NEBL: variants seen among roughly 807,000 people sequenced by gnomAD.
The protein encoded by NEBL is nebulette.
NEBL carries 122 observed loss-of-function variants against 140.2 expected under a neutral mutation model. The ratio of observed to expected loss-of-function variants is 0.87; its 90% CI spans 0.75 to 1.01. The LOEUF is 1.01. Among genes scored for constraint, NEBL ranks in the 50% least tolerant of loss-of-function variants. The pLI is 0.00. For missense variants in NEBL, 1,365 were observed against 1,231.3 expected, an observed-to-expected ratio of 1.11 and a Z score of -1.62; for synonymous variants, 436 against 398.9, an observed-to-expected ratio of 1.09 and a Z score of -1.11.
chr10:21,288,822 A>ATATATATATATATATATC (rs1843100957), intron 1 of NEBL, among the ~76,000 whole-genome samples: 1 of 70,562 alleles, frequency 1.4e-5, no homozygotes, highest in African/African-American at 6.4e-5. Context: ...GTGTGTGTGT[A>ATATATATATATATATATC]TATATATATA....
chr10:20,908,021 G>A (rs752718490), intron 4 of NEBL, among the ~76,000 whole-genome samples: 1 of 152,172 alleles, frequency 6.6e-6, no homozygotes, highest in Non-Finnish European at 1.5e-5. Context: ...AGGCAGCCAT[G>A]AAGTCTTCGA....
chr10:20,798,333 A>G (rs896141665), intron 26 of NEBL, among the ~76,000 whole-genome samples: 6 of 152,182 alleles, frequency 3.9e-5, no homozygotes, highest in Admixed American at 2.0e-4. Context: ...TCAGGAACCA[A>G]TCCCCACAAC....
intron 1 of NEBL, among the ~76,000 whole-genome samples, chr10:21,277,112 G>A (rs986677943): frequency 6.6e-6 from 1 of 151,594 alleles, no homozygotes; most frequent in Admixed American, 6.6e-5. Flanking sequence ...CTGAGTCACA[G>A]AAGAAGACCC....
At chr10:21,143,148 G>A (rs1038939615) in intron 2 of NEBL, among the ~76,000 whole-genome samples, 1 of 152,090 alleles carries the variant, frequency 6.6e-6, no homozygotes, top group Non-Finnish European at 1.5e-5. Context: ...TTCAAAGGGA[G>A]GTTAAACTTT....
chr10:20,902,676 G>A (rs1847922499), intron 4 of NEBL, among the ~76,000 whole-genome samples: 5 of 152,016 alleles, frequency 3.3e-5, no homozygotes. Flanking sequence ...GAAAGTCTTC[G>A]GTTTCATTTA....
chr10:20,874,507 A>G (rs1194925599), intron 5 of NEBL, among the ~76,000 whole-genome samples: 1 of 152,212 alleles, frequency 6.6e-6, no homozygotes, highest in Non-Finnish European at 1.5e-5. Flanking sequence ...GTCACCTTGA[A>G]GCCACAGAGA....
In NEBL at chr10:20,857,358, C is replaced by A. The variant is rs558054709; in HGVS notation, c.903+882G>T. On this transcript the variant is annotated intron_variant, in intron 9 of 27. Transcript: ENST00000377122. ...TATAGATTTCTAAGTCTAGGCCCAT[C>A]AACTGAAGACAACTATCTTCATTTT... 3.2e-4 allele frequency among the ~76,000 whole-genome samples: 49 copies of A among 152,266 alleles called. 1 individual carries two copies. The South Asian group carries it at 0.01, about 32-fold the overall frequency.
intron 1 of NEBL, among the ~76,000 whole-genome samples, chr10:21,270,183 C>A (rs1320350916): frequency 6.6e-6 from 1 of 152,160 alleles, no homozygotes; most frequent in Non-Finnish European, 1.5e-5. Context: ...CCTACAGTTT[C>A]TGTCATCCCT....
intron 3 of NEBL, among the ~76,000 whole-genome samples, chr10:20,993,777 T>G (rs1837561742): frequency 6.6e-6 from 1 of 152,092 alleles, no homozygotes; most frequent in Non-Finnish European, 1.5e-5. Flanking sequence ...GGCATACGAT[T>G]CAAAAAGGGG....
intron 2 of NEBL, among the ~76,000 whole-genome samples, chr10:21,053,719 G>T (rs559811495): frequency 6.6e-6 from 1 of 152,128 alleles, no homozygotes; most frequent in South Asian, 2.1e-4. Flanking sequence ...GCGTGTGAGT[G>T]TGATAAAGTG....
At chr10:20,888,551 C>T (rs891903567) in intron 3 of NEBL, among the ~76,000 whole-genome samples, 1 of 152,214 alleles carries the variant, frequency 6.6e-6, no homozygotes, top group African/African-American at 2.4e-5. Context: ...AAATGCAAGT[C>T]GTTAGAATCT....
intron 2 of NEBL, among the ~76,000 whole-genome samples, chr10:21,134,517 C>A (rs1045626810): frequency 2.0e-5 from 3 of 152,118 alleles, no homozygotes; most frequent in Non-Finnish European, 2.9e-5. Context: ...ATCATGTAAA[C>A]CCACATTATA....
intron 2 of NEBL, among the ~76,000 whole-genome samples, chr10:21,034,988 T>G (rs1471022134): frequency 7.5e-6 from 1 of 132,872 alleles, no homozygotes; most frequent in Non-Finnish European, 1.6e-5. Flanking sequence ...ATTTATTTAT[T>G]TTTGAGACAG....
intron 4 of NEBL, among the ~76,000 whole-genome samples, chr10:20,914,670 T>A (rs1013697618): frequency 6.6e-6 from 1 of 152,142 alleles, no homozygotes; most frequent in African/African-American, 2.4e-5. Flanking sequence ...CTCTTGTGGG[T>A]TTTGAATTTA....
At chr10:21,247,842 G>C (rs1842536982) in intron 3 of NEBL, 1 of 196,934 alleles carries the variant, frequency 5.1e-6, no homozygotes, top group Non-Finnish European at 1.1e-5. Flanking sequence ...TATGTCTCTA[G>C]ATGACATTAT....
intron 2 of NEBL, among the ~76,000 whole-genome samples, chr10:21,143,984 C>T (rs748533620): frequency 9.2e-5 from 14 of 152,062 alleles, no homozygotes; most frequent in African/African-American, 2.9e-4. Flanking sequence ...GATGATTATT[C>T]GAATAAGATA....
At chr10:20,862,840 T>C (rs1450244100) in intron 7 of NEBL, among the ~76,000 whole-genome samples, 1 of 152,218 alleles carries the variant, frequency 6.6e-6, no homozygotes, top group Non-Finnish European at 1.5e-5. Flanking sequence ...CTAGTGTGCC[T>C]AGTGGTCCCA....
intron 2 of NEBL, among the ~76,000 whole-genome samples, chr10:21,121,170 C>T (rs544028450): frequency 3.3e-5 from 5 of 152,266 alleles, no homozygotes; most frequent in African/African-American, 1.2e-4. Context: ...CATTCCTTAT[C>T]TCAAATGGCT....
At chr10:21,187,707 T>A (rs1841498957) in intron 3 of NEBL, among the ~76,000 whole-genome samples, 1 of 151,898 alleles carries the variant, frequency 6.6e-6, no homozygotes, top group Non-Finnish European at 1.5e-5. Flanking sequence ...AGAGAGGGGA[T>A]TTCACCATGC....
Sources: gnomAD v4.1 joint callset for allele counts (sites outside exome capture counted in the v4.1 genomes callset) on GRCh38, gnomAD v4.1.1 for gene constraint, MANE v1.5 for transcripts, NCBI Gene and HGNC (gene_info 2026-07-23, HGNC 2026-07-21) for gene names.